SLC44A5: variants seen among roughly 807,000 people sequenced by gnomAD.
SLC44A5 encodes solute carrier family 44 member 5.
A neutral mutation model predicts 101.8 loss-of-function variants in SLC44A5; 57 were observed. That is an observed-to-expected ratio of 0.56 (90% CI 0.45 to 0.70). SLC44A5 has a LOEUF of 0.70. Among genes scored for constraint, SLC44A5 ranks in the 30% least tolerant of loss-of-function variants. The pLI, the probability that SLC44A5 is intolerant of heterozygous loss-of-function variation, is 0.00. For missense variants in SLC44A5, 737 were observed against 853.1 expected (o/e 0.86, Z 1.70); for synonymous variants, 281 against 290.9 (o/e 0.97, Z 0.35).
At chr1:75,575,299 T>C (rs1356511228) in intron 1 of SLC44A5, among the ~76,000 whole-genome samples, 1 of 152,188 alleles carries the variant, frequency 6.6e-6, no homozygotes. Context: ...ACTTTAACAC[T>C]TTAGTTTAAT....
intron 1 of SLC44A5, among the ~76,000 whole-genome samples, chr1:75,542,942 A>G (rs1159925597): frequency 6.6e-6 from 1 of 152,152 alleles, no homozygotes; most frequent in East Asian, 1.9e-4. Context: ...AGATCTATCA[A>G]CCACTAGTTA....
At chr1:75,558,454 C>G (rs1033763877) in intron 1 of SLC44A5, among the ~76,000 whole-genome samples, 2 of 152,102 alleles carry the variant, frequency 1.3e-5, no homozygotes, top group Non-Finnish European at 2.9e-5. Context: ...TATTCAAGCA[C>G]AGTTCACTGC....
intron 2 of SLC44A5, among the ~76,000 whole-genome samples, chr1:75,526,460 T>C (rs1373381069): frequency 6.6e-6 from 1 of 152,216 alleles, no homozygotes; most frequent in African/African-American, 2.4e-5. Flanking sequence ...GCCACTTCCA[T>C]CTTTGTCTAC....
chr1:75,632,913 TC>T, the SLC44A5 span, among the ~76,000 whole-genome samples: 1 of 152,126 alleles, frequency 6.6e-6, no homozygotes, highest in Non-Finnish European at 1.5e-5. Flanking sequence ...TTAAAACAGT[TC>T]CCGAAAACAG....
At chr1:75,215,911 G>A in intron 18 of SLC44A5, 54 bp from the exon 19 acceptor site, 1 of 945,304 alleles carries the variant, frequency 1.1e-6, no homozygotes. Flanking sequence ...AACCTTATCA[G>A]TCAAAATAAA....
At chr1:75,698,311 T>C in the SLC44A5 span, among the ~76,000 whole-genome samples, 1 of 152,154 alleles carries the variant, frequency 6.6e-6, no homozygotes, top group African/African-American at 2.4e-5. Context: ...GATCTGAGAA[T>C]GGACAGACTG....
At chr1:75,721,153 C>T in the SLC44A5 span, among the ~76,000 whole-genome samples, 49 of 152,296 alleles carry the variant, frequency 3.2e-4, 1 homozygote, top group African/African-American at 1.1e-3. Context: ...GCATGTCCAA[C>T]CCCCACTTCC....
chr1:75,604,362 A>G (rs1315178703), intron 1 of SLC44A5, among the ~76,000 whole-genome samples: 1 of 151,952 alleles, frequency 6.6e-6, no homozygotes, highest in Non-Finnish European at 1.5e-5. Flanking sequence ...CTTCTGTTCC[A>G]TTGGTCTATG....
chr1:75,624,660 T>C, the SLC44A5 span, among the ~76,000 whole-genome samples: 1 of 152,136 alleles, frequency 6.6e-6, no homozygotes, highest in African/African-American at 2.4e-5. Context: ...CTGGCTCCAG[T>C]TGAGAATCTG....
intron 1 of SLC44A5, among the ~76,000 whole-genome samples, chr1:75,607,394 A>G (rs540957811): frequency 6.6e-6 from 1 of 152,194 alleles, no homozygotes; most frequent in East Asian, 1.9e-4. Flanking sequence ...TGCCACTATC[A>G]TCTCTCAACT....
rs147283465 is a variant in SLC44A5, at chr1:75,328,412, T to G, written c.101+11170A>C. On this transcript the variant is annotated intron_variant, in intron 4 of 23. Coordinates refer to ENST00000370859, the MANE Select transcript of SLC44A5 (RefSeq NM_001130058.2). ...AGGAGATATGGGTCAGTTACAAACA[T>G]TTTAGTTGTAACCACAGGAAAGGTG... 3.8e-3 allele frequency among the ~76,000 whole-genome samples: 583 copies of G among 152,262 alleles called. 2 individuals are homozygous for G. The highest frequency in any genetic ancestry group is 7.0e-3 in the Non-Finnish European group (473 of 68,016).
At chr1:75,364,437 ATCAC>A (rs1659715754) in intron 3 of SLC44A5, among the ~76,000 whole-genome samples, 1 of 152,162 alleles carries the variant, frequency 6.6e-6, no homozygotes, top group South Asian at 2.1e-4. Context: ...CTCATGAGAA[ATCAC>A]TCACTATCAT....
intron 5 of SLC44A5, among the ~76,000 whole-genome samples, chr1:75,286,847 A>T (rs1011617066): frequency 2.0e-5 from 3 of 152,062 alleles, no homozygotes; most frequent in African/African-American, 7.2e-5. Flanking sequence ...TTTCCTTTAT[A>T]GGTTACCTGA....
chr1:75,291,578 G>A (rs1025968735), intron 5 of SLC44A5, among the ~76,000 whole-genome samples: 1 of 152,166 alleles, frequency 6.6e-6, no homozygotes, highest in Non-Finnish European at 1.5e-5. Flanking sequence ...CTGAAGAAGT[G>A]ATTCAGGAGC....
At chr1:75,636,152 G>A in the SLC44A5 span, among the ~76,000 whole-genome samples, 5 of 152,056 alleles carry the variant, frequency 3.3e-5, no homozygotes, top group South Asian at 2.1e-4. Flanking sequence ...TTCCACGTAT[G>A]AGTGAGAACA....
chr1:75,512,517 C>T (rs1669619676), intron 2 of SLC44A5, among the ~76,000 whole-genome samples: 1 of 152,104 alleles, frequency 6.6e-6, no homozygotes, highest in East Asian at 1.9e-4. Flanking sequence ...AAACTTTTAT[C>T]CAACAATCAT....
the SLC44A5 span, among the ~76,000 whole-genome samples, chr1:75,658,654 T>C: frequency 6.6e-6 from 1 of 151,874 alleles, no homozygotes; most frequent in African/African-American, 2.4e-5. Flanking sequence ...TTTATAACAA[T>C]AAACACCTAC....
At chr1:75,391,006 C>A (rs1251874387) in intron 3 of SLC44A5, among the ~76,000 whole-genome samples, 1 of 152,030 alleles carries the variant, frequency 6.6e-6, no homozygotes, top group Non-Finnish European at 1.5e-5. Context: ...TTTTAGGATA[C>A]AAAATCAATG....
intron 3 of SLC44A5, among the ~76,000 whole-genome samples, chr1:75,363,363 A>T (rs908614527): frequency 3.3e-5 from 5 of 151,690 alleles, no homozygotes; most frequent in Admixed American, 1.3e-4. Flanking sequence ...TGTTTTGTAG[A>T]TTCTTTGTTT....
Sources: allele counts gnomAD v4.1 joint callset (sites outside exome capture counted in the v4.1 genomes callset), GRCh38; gene constraint gnomAD v4.1.1; transcripts MANE v1.5; gene names NCBI Gene and HGNC (gene_info 2026-07-23, HGNC 2026-07-21).